The following PCDHA2 variants were observed in gnomAD, a reference collection of about 807,000 sequenced individuals.
PCDHA2 encodes the protein protocadherin alpha 2.
PCDHA2 carries 58 observed loss-of-function variants against 66.0 expected under a neutral mutation model. The ratio of observed to expected loss-of-function variants is 0.88; its 90% CI spans 0.71 to 1.09. The LOEUF is 1.09. Ranked by LOEUF, PCDHA2 falls within the 50% of genes least tolerant of loss-of-function variation. The probability of loss-of-function intolerance (pLI) is 0.00; values close to 1 mark genes in which losing one functional copy is unlikely to be tolerated. For synonymous variants in PCDHA2, 634 were observed against 554.0 expected (o/e 1.14, Z -2.03); for missense variants, 1,267 against 1,242.3 (o/e 1.02, Z -0.30).
intron 1 of PCDHA2, among the ~76,000 whole-genome samples, chr5:140,918,314 A>G (rs2078635890): frequency 1.3e-5 from 2 of 152,138 alleles, no homozygotes; most frequent in Admixed American, 1.3e-4. Context: ...TTTTCTAGGT[A>G]TAAAATTATA....
chr5:140,869,375 A>C, intron 1 of PCDHA2: 1 of 1,614,116 alleles, frequency 6.2e-7, no homozygotes, highest in Non-Finnish European at 8.5e-7. Flanking sequence ...TCTCGGATCG[A>C]CCGCGAGGAG....
chr5:140,999,550 G>A (rs1250301883), intron 3 of PCDHA2, among the ~76,000 whole-genome samples: 2 of 152,120 alleles, frequency 1.3e-5, no homozygotes, highest in African/African-American at 4.8e-5. Context: ...CCAATGAAGA[G>A]GGGGTATTTT....
At chr5:140,935,104 A>C (rs1233919640) in intron 1 of PCDHA2, among the ~76,000 whole-genome samples, 1 of 152,126 alleles carries the variant, frequency 6.6e-6, no homozygotes, top group South Asian at 2.1e-4. Flanking sequence ...GCCATTTTTC[A>C]AAGAGCTTTC....
chr5:140,803,786 T>G, intron 1 of PCDHA2: 1 of 862,140 alleles, frequency 1.2e-6, no homozygotes, highest in Non-Finnish European at 1.7e-6. Context: ...CAGTAAGTTA[T>G]GATATCCACA....
chr5:140,892,763 C>G (rs1365366300), intron 1 of PCDHA2, among the ~76,000 whole-genome samples: 12 of 152,298 alleles, frequency 7.9e-5, no homozygotes, highest in Middle Eastern at 3.4e-3. Context: ...TTAAAATCCA[C>G]TCTTCTAGCT....
chr5:140,970,834 T>C lies in PCDHA2; in HGVS notation c.2389-8115T>C, dbSNP rs566411727. 8.6e-5 allele frequency among the ~76,000 whole-genome samples: 13 copies of C among 151,290 alleles called. No homozygotes were observed. The South Asian group carries it at 1.2e-3, about 14-fold the overall frequency. ...AAGTTCATGGTAATCTTGAGGAATG[T>C]AATGCACAGGCACAAAAGTTCCATT... On this transcript the variant is annotated intron_variant, in intron 1 of 3. Transcript: ENST00000526136.
chr5:140,802,825 C>G (rs374629500), intron 1 of PCDHA2: 13 of 1,613,472 alleles, frequency 8.1e-6, no homozygotes, highest in South Asian at 2.2e-5. Flanking sequence ...GCGGGCGTGC[C>G]GCCTCTGGGC....
chr5:140,942,540 G>T (rs1013086382), intron 1 of PCDHA2, among the ~76,000 whole-genome samples: 52 of 152,164 alleles, frequency 3.4e-4, no homozygotes, highest in African/African-American at 1.1e-3. Flanking sequence ...TCAGTATGGT[G>T]GGGGGTAGGG....
chr5:140,849,664 C>G, intron 1 of PCDHA2: 1 of 1,598,668 alleles, frequency 6.3e-7, no homozygotes, highest in Non-Finnish European at 8.6e-7. Flanking sequence ...TGCTCCCTGA[C>G]GCCCCACGTC....
intron 1 of PCDHA2, among the ~76,000 whole-genome samples, chr5:140,973,810 T>C (rs1179978402): frequency 6.6e-6 from 1 of 152,230 alleles, no homozygotes; most frequent in Non-Finnish European, 1.5e-5. Context: ...CTTGACAGAA[T>C]AGCAAAGTCA....
intron 1 of PCDHA2, among the ~76,000 whole-genome samples, chr5:140,916,214 C>A (rs1294292456): frequency 6.6e-6 from 1 of 152,266 alleles, no homozygotes; most frequent in African/African-American, 2.4e-5. Flanking sequence ...TGGGGAAGAT[C>A]CAAATATGCT....
At chr5:140,819,626 A>G in intron 1 of PCDHA2, among the ~76,000 whole-genome samples, 1 of 152,114 alleles carries the variant, frequency 6.6e-6, no homozygotes, top group East Asian at 1.9e-4. Context: ...TTCAGATTGG[A>G]TAATCTATAG....
At chr5:140,896,090 C>T (rs1312909051) in intron 1 of PCDHA2, among the ~76,000 whole-genome samples, 2 of 152,152 alleles carry the variant, frequency 1.3e-5, no homozygotes, top group African/African-American at 4.8e-5. Flanking sequence ...GGATTACAGG[C>T]GTGAGCCACT....
At chr5:140,886,560 G>A (rs1230327560) in intron 1 of PCDHA2, among the ~76,000 whole-genome samples, 3 of 151,904 alleles carry the variant, frequency 2.0e-5, no homozygotes, top group Non-Finnish European at 4.4e-5. Flanking sequence ...GGGCACGGTG[G>A]CTCACGCCTG....
At position 140,848,861 on chromosome 5, in the gene PCDHA2, G is replaced by A. The variant is rs2150423051; in HGVS notation, c.2388+51509G>A. 3.1e-4 allele frequency: 495 copies of A among 1,590,730 alleles called. 45 individuals carry two copies. The highest frequency in any genetic ancestry group is 4.3e-4 in the Admixed American group (25 of 58,818). Reference sequence around the variant, plus strand: ...TGCAGGTTTTCCATGTGGACGTGGAGGTGAAGGACATTAACGACAACCCTC... The same window carrying A: ...TGCAGGTTTTCCATGTGGACGTGGAAGTGAAGGACATTAACGACAACCCTC... On this transcript the variant is annotated intron_variant, in intron 1 of 3. Coordinates refer to ENST00000526136, the MANE Select transcript of PCDHA2 (RefSeq NM_018905.3).
At chr5:140,948,793 A>AT (rs1351130459) in intron 1 of PCDHA2, among the ~76,000 whole-genome samples, 1 of 150,328 alleles carries the variant, frequency 6.7e-6, no homozygotes, top group Non-Finnish European at 1.5e-5. Flanking sequence ...TTGTTGATAT[A>AT]TTTTCTATTG....
intron 1 of PCDHA2, among the ~76,000 whole-genome samples, chr5:140,940,510 G>A (rs1477590604): frequency 4.0e-5 from 6 of 151,894 alleles, no homozygotes; most frequent in African/African-American, 9.7e-5. Context: ...TCGCTCAGGC[G>A]TGATCATAGC....
chr5:140,877,511 C>T (rs1582389090), intron 1 of PCDHA2: 2 of 1,613,808 alleles, frequency 1.2e-6, no homozygotes, highest in Non-Finnish European at 1.7e-6. Context: ...AAGACGTCGT[C>T]GCGGGCCTCA....
Position 140,870,110 on chromosome 5 carries a change from G to A in PCDHA2, c.2388+72758G>A, listed in dbSNP as rs570133503. 6 of 1,613,896 alleles carry A rather than the reference G, an allele frequency of 3.7e-6. No individual in the cohort carries two copies. In the South Asian group the frequency reaches 6.6e-5, roughly 18 times the overall value. On this transcript the variant is annotated intron_variant, in intron 1 of 3. Coordinates refer to ENST00000526136, the MANE Select transcript of PCDHA2 (RefSeq NM_018905.3). ...CCAATGGCAGGTCACTGTACAGTCT[G>A]GGTGGAAATCTTGGACACCAACGAT... is the stretch of plus-strand genomic sequence containing the variant.
Sources: gnomAD v4.1 joint callset for allele counts (sites outside exome capture counted in the v4.1 genomes callset) on GRCh38, gnomAD v4.1.1 for gene constraint, MANE v1.5 for transcripts, NCBI Gene and HGNC (gene_info 2026-07-23, HGNC 2026-07-21) for gene names.